The following CLVS1 variants were observed in gnomAD, a reference collection of about 807,000 sequenced individuals.
CLVS1 encodes the protein clavesin 1.
Under a neutral mutation model 33.1 loss-of-function variants are expected in CLVS1, and 10 were observed. That is an observed-to-expected ratio of 0.30 (90% confidence interval 0.19 to 0.51). CLVS1 has a LOEUF of 0.51. CLVS1 is among the 20% of genes least tolerant of loss of function. The pLI is 0.97. For synonymous variants in CLVS1, 163 were observed against 166.1 expected, an observed-to-expected ratio of 0.98 and a Z score of 0.14; for missense variants, 343 against 433.4, an observed-to-expected ratio of 0.79 and a Z score of 1.85.
intron 2 of CLVS1, among the ~76,000 whole-genome samples, chr8:61,197,041 G>C (rs995499973): frequency 1.8e-4 from 27 of 152,142 alleles, no homozygotes; most frequent in African/African-American, 6.5e-4. Context: ...CTCAATCAGG[G>C]GTTTCAGAAA....
At chr8:61,133,491 C>T (rs1806138842) in intron 2 of CLVS1, among the ~76,000 whole-genome samples, 1 of 152,134 alleles carries the variant, frequency 6.6e-6, no homozygotes, top group Non-Finnish European at 1.5e-5. Context: ...TGGAGGTGAG[C>T]TGGGAGCAGT....
At chr8:61,375,526 C>T (rs1414430004) in intron 2 of CLVS1, among the ~76,000 whole-genome samples, 1 of 152,192 alleles carries the variant, frequency 6.6e-6, no homozygotes, top group Non-Finnish European at 1.5e-5. Context: ...CCTGGGATTA[C>T]AGGCTTTAGC....
chr8:61,311,622 T>C (rs1484938344), intron 2 of CLVS1, among the ~76,000 whole-genome samples: 1 of 152,194 alleles, frequency 6.6e-6, no homozygotes, highest in Non-Finnish European at 1.5e-5. Context: ...GGGCTTGCAG[T>C]GAGGGGGCTG....
intron 2 of CLVS1, among the ~76,000 whole-genome samples, chr8:61,153,776 A>ATGGTTCCAGTGC (rs1806593137): frequency 1.5e-4 from 23 of 152,180 alleles, no homozygotes; most frequent in Admixed American, 1.4e-3. Flanking sequence ...CTGCAAAATG[A>ATGGTTCCAGTGC]TGGTTCCAGT....
intron 4 of CLVS1, among the ~76,000 whole-genome samples, chr8:61,455,186 G>GTGTT (rs71747625): frequency 6.7e-6 from 1 of 149,590 alleles, no homozygotes; most frequent in Non-Finnish European, 1.5e-5. Context: ...ATTTGTGTGT[G>GTGTT]TGTGTGTGTG....
intron 2 of CLVS1, among the ~76,000 whole-genome samples, chr8:61,190,014 C>G (rs1321437806): frequency 6.6e-6 from 1 of 152,126 alleles, no homozygotes; most frequent in Non-Finnish European, 1.5e-5. Context: ...AGCTCTGCAC[C>G]AAGCAGATCT....
intron 3 of CLVS1, among the ~76,000 whole-genome samples, chr8:61,439,945 C>T (rs1293228644): frequency 1.3e-5 from 2 of 152,218 alleles, no homozygotes; most frequent in Non-Finnish European, 2.9e-5. Context: ...AGCTCTTTCA[C>T]ATAAGGCTTT....
intron 1 of CLVS1, among the ~76,000 whole-genome samples, chr8:61,115,466 A>T (rs1024978817): frequency 1.3e-5 from 2 of 151,710 alleles, no homozygotes; most frequent in Non-Finnish European, 2.9e-5. Context: ...ATGCTGGTGC[A>T]CTGCACCCAC....
intron 2 of CLVS1, among the ~76,000 whole-genome samples, chr8:61,140,281 T>A (rs1806283039): frequency 6.6e-6 from 1 of 152,224 alleles, no homozygotes; most frequent in African/African-American, 2.4e-5. Context: ...TTGTTTCCTC[T>A]GGATGGTTAC....
At chr8:61,343,912 A>G (rs1461416421) in intron 2 of CLVS1, among the ~76,000 whole-genome samples, 3 of 152,258 alleles carry the variant, frequency 2.0e-5, no homozygotes, top group Non-Finnish European at 2.9e-5. Context: ...GGCTAACGGT[A>G]TGAAGAAAAA....
Position 61,317,680 on chromosome 8 carries a change from T to A in CLVS1, c.455+17398T>A, listed in dbSNP as rs79781110. On this transcript the variant is annotated intron_variant, in intron 2 of 5. Coordinates refer to ENST00000325897, the MANE Select transcript of CLVS1 (RefSeq NM_173519.3). Reference sequence around the variant, plus strand: ...ACTTTCTCTTCTGGTTTAGAAGTTATCTATTTCTATATTTTACATGTTATT... The same window carrying A: ...ACTTTCTCTTCTGGTTTAGAAGTTAACTATTTCTATATTTTACATGTTATT... 9.0e-3 allele frequency among the ~76,000 whole-genome samples: 1,373 copies of A among 152,330 alleles called. 17 individuals carry two copies. The highest frequency in any genetic ancestry group is 0.031 in the African/African-American group (1,308 of 41,564).
rs959565852 is a variant in CLVS1, at chr8:61,500,226, A to C, written c.*684A>C. 1.2e-4 allele frequency: 19 copies of C among 152,388 alleles called. No individual in the cohort carries two copies. The highest frequency in any genetic ancestry group is 4.3e-4 in the African/African-American group (18 of 41,450). 9.4% of individuals were successfully genotyped at this position (152,388 alleles called of 1,614,324 possible). ...CGTTAAAGGAAGACACATGGACGTG[A>C]AATACGATTATTTCATCTGAGCAAT... is the stretch of plus-strand genomic sequence containing the variant. On this transcript the variant is annotated 3_prime_UTR_variant, in exon 6 of 6. Coordinates refer to ENST00000325897, the MANE Select transcript of CLVS1 (RefSeq NM_173519.3).
At chr8:61,203,136 A>C in intron 2 of CLVS1, 1 of 1,200,434 alleles carries the variant, frequency 8.3e-7, no homozygotes, top group Non-Finnish European at 1.2e-6. Context: ...CCCAAAGTGG[A>C]AGCCAAGTTC....
chr8:61,466,345 G>T (rs540382001), intron 5 of CLVS1, among the ~76,000 whole-genome samples: 1 of 152,164 alleles, frequency 6.6e-6, no homozygotes, highest in African/African-American at 2.4e-5. Flanking sequence ...CACAACTGGA[G>T]ACTTCTCAGG....
At chr8:61,230,119 G>A (rs1808402952) in intron 2 of CLVS1, among the ~76,000 whole-genome samples, 2 of 152,190 alleles carry the variant, frequency 1.3e-5, no homozygotes, top group South Asian at 4.1e-4. Context: ...TAAAAGGGAA[G>A]ATAAGTGAGA....
chr8:60,982,775 T>A, the CLVS1 span, among the ~76,000 whole-genome samples: 1 of 152,158 alleles, frequency 6.6e-6, no homozygotes, highest in Non-Finnish European at 1.5e-5. Context: ...CAGTTACTAC[T>A]CCTTGAAAAT....
chr8:61,288,253 T>C (rs779487790), intron 1 of CLVS1, 115 bp downstream of exon 1: 49 of 456,440 alleles, frequency 1.1e-4, no homozygotes, highest in Non-Finnish European at 1.9e-4. Context: ...ACAGCTCCCA[T>C]CTGCAATCCC....
rs191619554 is a variant in CLVS1, at chr8:61,230,507, A to G, written c.-151-69170A>G. On this transcript the variant is annotated intron_variant, in intron 2 of 2. Transcript: ENST00000522621. ...ATAAGCACTAAAAATGGCAATAAGT[A>G]TTGTGGCTGGAGCACAAGAAGTATC... is the stretch of plus-strand genomic sequence containing the variant. 1.9e-3 allele frequency among the ~76,000 whole-genome samples: 297 copies of G among 152,352 alleles called. 1 individual carries two copies. The highest frequency in any genetic ancestry group is 6.8e-3 in the African/African-American group (284 of 41,590).
chr8:61,392,404 C>T (rs1814338748), intron 3 of CLVS1, among the ~76,000 whole-genome samples: 1 of 152,118 alleles, frequency 6.6e-6, no homozygotes, highest in Admixed American at 6.6e-5. Context: ...ACTAATGGTG[C>T]CCTCTTCCCT....
Sources: allele counts gnomAD v4.1 joint callset (sites outside exome capture counted in the v4.1 genomes callset), GRCh38; gene constraint gnomAD v4.1.1; transcripts MANE v1.5; gene names NCBI Gene and HGNC (gene_info 2026-07-23, HGNC 2026-07-21).